ARHGAP20: variants seen among roughly 807,000 people sequenced by gnomAD.
ARHGAP20 encodes Rho GTPase activating protein 20.
ARHGAP20 carries 34 observed loss-of-function variants against 73.7 expected under a neutral mutation model. That is an observed-to-expected ratio of 0.46 (90% confidence interval 0.35 to 0.61). The LOEUF (loss-of-function observed/expected upper bound fraction) is 0.61, where lower values mean the gene tolerates loss of function less well. Among genes scored for constraint, ARHGAP20 ranks in the 20% least tolerant of loss-of-function variants. The pLI is 0.00. For missense variants in ARHGAP20, 1,314 were observed against 1,420.9 expected, an observed-to-expected ratio of 0.92 and a Z score of 1.21; for synonymous variants, 523 against 518.2, an observed-to-expected ratio of 1.01 and a Z score of -0.13.
Position 110,648,138 on chromosome 11 carries a change from G to A in ARHGAP20, c.189-17346C>T, listed in dbSNP as rs556142148. On this transcript the variant is annotated intron_variant, in intron 2 of 14. Coordinates refer to ENST00000683387, the MANE Select transcript of ARHGAP20 (RefSeq NM_001384657.1). ...CTTCCTTTTTACCAAACCCAAACTC[G>A]GTCAGTGATATATATAATATATATA... Among the ~76,000 whole-genome samples, 252 of 138,026 alleles carry A rather than the reference G, an allele frequency of 1.8e-3. 2 individuals are homozygous for A. Among genetic ancestry groups the A allele is most frequent in the South Asian group, 0.014 (62 of 4,476 alleles). 90.6% of individuals were successfully genotyped at this position (138,026 alleles called of 152,430 possible).
chr11:110,628,828 A>G (rs1260079321), intron 3 of ARHGAP20, among the ~76,000 whole-genome samples: 2 of 152,210 alleles, frequency 1.3e-5, no homozygotes, highest in African/African-American at 2.4e-5. Context: ...CAGCTACAGA[A>G]GCAGACAATG....
At chr11:110,697,538 CTTA>C (rs772551133) in intron 1 of ARHGAP20, among the ~76,000 whole-genome samples, 1 of 151,590 alleles carries the variant, frequency 6.6e-6, no homozygotes, top group East Asian at 1.9e-4. Context: ...TCTGTTTACT[CTTA>C]TTATTTCTTT....
intron 1 of ARHGAP20, among the ~76,000 whole-genome samples, chr11:110,710,435 T>TA (rs11423761): frequency 0.21 from 30,347 of 147,468 alleles, 3,354 homozygotes; most frequent in South Asian, 0.31. Context: ...ATACCCTTAG[T>TA]AAAAAAAAAA....
intron 1 of ARHGAP20, among the ~76,000 whole-genome samples, chr11:110,692,328 T>G (rs764560225): frequency 6.6e-6 from 1 of 152,158 alleles, no homozygotes; most frequent in Non-Finnish European, 1.5e-5. Context: ...TTTGTTCATA[T>G]CCATCAAGCT....
intron 2 of ARHGAP20, among the ~76,000 whole-genome samples, chr11:110,668,260 C>G (rs888371534): frequency 2.0e-5 from 3 of 152,186 alleles, no homozygotes; most frequent in Non-Finnish European, 4.4e-5. Context: ...AACACTGAGA[C>G]AAGACCCTCC....
At chr11:110,618,488 T>C (rs1011845404) in intron 4 of ARHGAP20, among the ~76,000 whole-genome samples, 1 of 152,268 alleles carries the variant, frequency 6.6e-6, no homozygotes, top group Admixed American at 6.5e-5. Flanking sequence ...CATTCTTTCA[T>C]ACCGTTATTT....
chr11:110,710,866 G>A (rs1464806230), intron 1 of ARHGAP20, among the ~76,000 whole-genome samples: 1 of 152,208 alleles, frequency 6.6e-6, no homozygotes, highest in Non-Finnish European at 1.5e-5. Flanking sequence ...ATCAAGACAA[G>A]CAGGGAACCT....
At chr11:110,601,149 A>G (rs1260543881) in intron 9 of ARHGAP20, among the ~76,000 whole-genome samples, 2 of 152,224 alleles carry the variant, frequency 1.3e-5, no homozygotes, top group African/African-American at 4.8e-5. Context: ...ACCATGCAAA[A>G]TACCCATTTC....
At chr11:110,699,660 T>A (rs1442998049) in intron 1 of ARHGAP20, among the ~76,000 whole-genome samples, 1 of 152,030 alleles carries the variant, frequency 6.6e-6, no homozygotes, top group Non-Finnish European at 1.5e-5. Flanking sequence ...TGCTCATTTG[T>A]CTTTTCTATT....
chr11:110,647,049 G>A (rs1949209792), intron 2 of ARHGAP20, among the ~76,000 whole-genome samples: 1 of 152,050 alleles, frequency 6.6e-6, no homozygotes, highest in Non-Finnish European at 1.5e-5. Flanking sequence ...GAGAGAGAGA[G>A]AATGGAGCTT....
chr11:110,609,271 T>C (rs774288192), intron 7 of ARHGAP20, among the ~76,000 whole-genome samples: 1 of 152,162 alleles, frequency 6.6e-6, no homozygotes, highest in African/African-American at 2.4e-5. Context: ...ACAATCTTCC[T>C]GGCTCTTAAA....
Position 110,579,790 on chromosome 11 carries a change from C to G in ARHGAP20, c.3156G>C (p.Lys1052Asn), listed in dbSNP as rs144340070. Residue 1052 changes from lysine (K) to asparagine (N), a missense_variant, in exon 15 of 15, where the codon AAG (lysine) becomes AAC (asparagine). Lys to Asn is a moderately conservative substitution (Grantham distance 94, BLOSUM62 0). Around this residue, in one of 3 missense-constraint regions of ARHGAP20, gnomAD observed 641 missense variants for 636.9 expected, o/e 1.01. Transcript: ENST00000683387. ...VASLKNWSLKKKAKAARPEEE... is the reference protein window; with the variant it reads ...VASLKNWSLKNKAKAARPEEE... ...CCTCTGGTCTGGCTGCCTTTGCTTT[C>G]TTTTTGAGGGACCAGTTTTTCAAAC... is the stretch of plus-strand genomic sequence containing the variant. 131 of 1,613,972 alleles carry G rather than the reference C, an allele frequency of 8.1e-5. 3 individuals are homozygous for G. In the South Asian group the frequency reaches 1.4e-3, roughly 18 times the overall value.
chr11:110,696,784 T>C (rs1444705700), intron 1 of ARHGAP20, among the ~76,000 whole-genome samples: 1 of 151,698 alleles, frequency 6.6e-6, no homozygotes, highest in African/African-American at 2.4e-5. Flanking sequence ...TCCATTTGTA[T>C]CCATTGTTAG....
intron 2 of ARHGAP20, among the ~76,000 whole-genome samples, chr11:110,687,343 C>T (rs1367582150): frequency 6.6e-6 from 1 of 152,034 alleles, no homozygotes; most frequent in Non-Finnish European, 1.5e-5. Context: ...CCACTATGTC[C>T]AGCCAAACAA....
chr11:110,701,492 A>G (rs1215547695), intron 1 of ARHGAP20, among the ~76,000 whole-genome samples: 1 of 151,400 alleles, frequency 6.6e-6, no homozygotes, highest in Non-Finnish European at 1.5e-5. Flanking sequence ...GCCCTTTGTC[A>G]GATGAGTAGG....
intron 1 of ARHGAP20, among the ~76,000 whole-genome samples, chr11:110,698,036 T>C (rs1950370859): frequency 6.6e-6 from 1 of 151,844 alleles, no homozygotes; most frequent in Non-Finnish European, 1.5e-5. Flanking sequence ...TTAATGATAC[T>C]GATTTTTCCA....
chr11:110,577,746 T>C lies in ARHGAP20; in HGVS notation c.*1624A>G, dbSNP rs1188215555. The C allele has an allele frequency of 1.0e-6, 1 of 985,756 alleles. No homozygotes were observed. Among genetic ancestry groups the C allele is most frequent in the African/African-American group, 1.7e-5 (1 of 57,226 alleles). The allele number at this position is 985,756 out of a possible 1,614,324, so 61.1% of individuals were successfully genotyped here. A position where few individuals can be genotyped will look rare whatever the true frequency, so the allele number is the denominator to read the frequency against. ...TGGATACAGAGTTCTAAAAGATCATTGTAATGGTTAGCGCAAACAGGGCCA... is the reference window on the plus strand; with the variant it reads ...TGGATACAGAGTTCTAAAAGATCATCGTAATGGTTAGCGCAAACAGGGCCA... On this transcript the variant is annotated 3_prime_UTR_variant, in exon 15 of 15. Transcript: ENST00000683387.
chr11:110,693,025 G>C (rs991080919), intron 1 of ARHGAP20, among the ~76,000 whole-genome samples: 3 of 151,978 alleles, frequency 2.0e-5, no homozygotes, highest in African/African-American at 4.8e-5. Context: ...AATGATAGCT[G>C]TTAAACATGA....
Position 110,614,720 on chromosome 11 carries a change from A to G in ARHGAP20, c.546-75T>C, listed in dbSNP as rs766529859. 4.8e-4 allele frequency: 482 copies of G among 1,008,610 alleles called. 2 individuals carry two copies. Among genetic ancestry groups the G allele is most frequent in the Non-Finnish European group, 6.6e-4 (451 of 680,308 alleles). 62.5% of individuals were successfully genotyped at this position (1,008,610 alleles called of 1,614,324 possible). Reference sequence around the variant, plus strand: ...CGCTAATGGCTTATTTTAAAAATCAATTTATTTTGCTAATATTTCCAATAT... The same window carrying G: ...CGCTAATGGCTTATTTTAAAAATCAGTTTATTTTGCTAATATTTCCAATAT... On this transcript the variant is annotated intron_variant, in intron 5 of 14. Transcript: ENST00000683387.
Sources: allele counts gnomAD v4.1 joint callset (sites outside exome capture counted in the v4.1 genomes callset), GRCh38; gene constraint gnomAD v4.1.1; regional missense constraint gnomAD v4.1.1; transcripts MANE v1.5; gene names NCBI Gene and HGNC (gene_info 2026-07-23, HGNC 2026-07-21).